PRPF18: variants seen among roughly 807,000 people sequenced by gnomAD.
The protein encoded by PRPF18 is pre-mRNA processing factor 18, also known as pre-mRNA-splicing factor 18.
PRPF18 carries 38 observed loss-of-function variants against 46.5 expected under a neutral mutation model. The ratio of observed to expected loss-of-function variants is 0.82; its 90% confidence interval spans 0.63 to 1.07. The LOEUF (loss-of-function observed/expected upper bound fraction) is 1.07. Ranked by LOEUF, PRPF18 falls within the 50% of genes least tolerant of loss-of-function variation. The pLI, the probability that PRPF18 is intolerant of heterozygous loss-of-function variation, is 0.00. For synonymous variants in PRPF18, 152 were observed against 146.7 expected, an observed-to-expected ratio of 1.04 and a Z score of -0.26; for missense variants, 263 against 410.0, an observed-to-expected ratio of 0.64 and a Z score of 3.10.
chr10:13,597,452 TAATAGGAA>T lies in PRPF18; in HGVS notation c.67-1_73del. ...TATTATTGACATAATTTATTTTCTT[TAATAGGAA>T]AATAAAAAATATTTCAAGCGTAGTG... On this transcript the variant is annotated splice_acceptor_variant and splice_polypyrimidine_tract_variant and coding_sequence_variant and intron_variant, in exon 2 of 10. Transcript: ENST00000378572. LOFTEE classifies it high-confidence loss of function. The T allele has an allele frequency of 6.4e-7, 1 of 1,569,624 alleles. No homozygotes were observed.
intron 8 of PRPF18, among the ~76,000 whole-genome samples, chr10:13,615,393 T>G (rs1349386097): frequency 6.6e-6 from 1 of 152,246 alleles, no homozygotes; most frequent in Non-Finnish European, 1.5e-5. Flanking sequence ...TTTTATCAGT[T>G]AAGATCCAAT....
intron 8 of PRPF18, among the ~76,000 whole-genome samples, chr10:13,616,098 A>C (rs1271148142): frequency 6.6e-6 from 1 of 152,252 alleles, no homozygotes; most frequent in Non-Finnish European, 1.5e-5. Flanking sequence ...TGGTAATTCC[A>C]GATCTGCAAC....
chr10:13,641,392 A>C, the PRPF18 span: 1 of 152,242 alleles, frequency 6.6e-6, no homozygotes, highest in African/African-American at 2.4e-5. Context: ...TTAGACATCC[A>C]CGTGGGGATA....
intron 9 of PRPF18, 46 bp downstream of exon 9, chr10:13,616,599 T>G: frequency 6.3e-7 from 1 of 1,595,320 alleles, no homozygotes; most frequent in Non-Finnish European, 8.6e-7. Flanking sequence ...GTGAATATTC[T>G]CTAATTCCCA....
At chr10:13,648,314 C>G in the PRPF18 span, 2 of 152,058 alleles carry the variant, frequency 1.3e-5, no homozygotes, top group African/African-American at 4.8e-5. Context: ...GACACCTGTC[C>G]TGCAAACTTT....
intron 2 of PRPF18, among the ~76,000 whole-genome samples, chr10:13,598,837 A>G (rs2080068893): frequency 6.6e-6 from 1 of 152,178 alleles, no homozygotes; most frequent in Non-Finnish European, 1.5e-5. Context: ...GCATTCCCAG[A>G]TTCTTAAATT....
the PRPF18 span, chr10:13,644,875 A>C: frequency 6.6e-6 from 1 of 152,254 alleles, no homozygotes; most frequent in East Asian, 1.9e-4. Context: ...GTGAATCCCT[A>C]GAATCATTTA....
chr10:13,619,507 A>C (rs1488010640), intron 9 of PRPF18, among the ~76,000 whole-genome samples: 5 of 152,168 alleles, frequency 3.3e-5, no homozygotes, highest in Non-Finnish European at 5.9e-5. Flanking sequence ...GAGTCCTCTC[A>C]TTCTTTTCTG....
chr10:13,603,624 A>G lies in PRPF18; in HGVS notation c.250-2007A>G, dbSNP rs2080146327. On this transcript the variant is annotated intron_variant, in intron 3 of 9. Transcript: ENST00000378572. ...ACTGACTGACTTAGGGTCATCTTTC[A>G]TCTTTGAGTCCTCAGTAGTCTCTTC... 4.6e-5 allele frequency among the ~76,000 whole-genome samples: 7 copies of G among 152,194 alleles called. No homozygotes were observed. The South Asian group carries it at 8.3e-4, about 18-fold the overall frequency.
chr10:13,614,858 A>G (rs2080318849), intron 8 of PRPF18, among the ~76,000 whole-genome samples: 1 of 152,216 alleles, frequency 6.6e-6, no homozygotes, highest in African/African-American at 2.4e-5. Flanking sequence ...CGTGCCTCCC[A>G]AGGCACTAGG....
chr10:13,593,509 G>A (rs1415986495), intron 1 of PRPF18, among the ~76,000 whole-genome samples: 8 of 152,166 alleles, frequency 5.3e-5, no homozygotes, highest in African/African-American at 1.7e-4. Flanking sequence ...AAGTGGACAC[G>A]GATTAGATTA....
At chr10:13,608,032 C>T (rs2478118) in intron 4 of PRPF18, among the ~76,000 whole-genome samples, 56,864 of 151,992 alleles carry the variant, frequency 0.37, 11,025 homozygotes, top group African/African-American at 0.41. Context: ...GGTGTGGTTA[C>T]CTATGACTAT....
At chr10:13,607,452 C>G (rs1442581607) in intron 4 of PRPF18, among the ~76,000 whole-genome samples, 1 of 152,048 alleles carries the variant, frequency 6.6e-6, no homozygotes, top group Admixed American at 6.5e-5. Flanking sequence ...GGGTCTCACT[C>G]TCACCCAGGC....
chr10:13,646,564 C>G, the PRPF18 span: 1 of 152,308 alleles, frequency 6.6e-6, no homozygotes, highest in Non-Finnish European at 1.5e-5. Flanking sequence ...CTGGGTCACC[C>G]TGTAACTCAA....
the PRPF18 span, chr10:13,654,665 C>T: frequency 1.6e-5 from 10 of 608,844 alleles, no homozygotes; most frequent in African/African-American, 1.3e-4. Flanking sequence ...TCTCAGCATC[C>T]CTATGGCATG....
the PRPF18 span, chr10:13,643,051 C>T: frequency 6.6e-6 from 1 of 152,368 alleles, no homozygotes; most frequent in South Asian, 2.1e-4. Flanking sequence ...AGTCACTACT[C>T]AAGTCAGTCA....
intron 6 of PRPF18, 127 bp from the exon 7 acceptor site, chr10:13,613,614 G>T: frequency 9.8e-7 from 1 of 1,020,178 alleles, no homozygotes; most frequent in Non-Finnish European, 1.4e-6. Flanking sequence ...TATATTATTT[G>T]GTGGCATTTT....
chr10:13,627,853 G>A (rs1333372401), intron 9 of PRPF18, among the ~76,000 whole-genome samples: 1 of 152,166 alleles, frequency 6.6e-6, no homozygotes, highest in African/African-American at 2.4e-5. Flanking sequence ...CAAACCATCA[G>A]TTTGCCTTCC....
intron 9 of PRPF18, among the ~76,000 whole-genome samples, chr10:13,629,082 A>AT (rs2080553827): frequency 6.6e-6 from 1 of 152,258 alleles, no homozygotes; most frequent in South Asian, 2.1e-4. Context: ...ATGAAATTGA[A>AT]TAGTGATAGT....
Sources: gnomAD v4.1 joint callset for allele counts (sites outside exome capture counted in the v4.1 genomes callset) on GRCh38, gnomAD v4.1.1 for gene constraint, MANE v1.5 for transcripts, NCBI Gene and HGNC (gene_info 2026-07-23, HGNC 2026-07-21) for gene names.